Variants in CTNNA3 observed in about 807,000 individuals in gnomAD.
CTNNA3 encodes the protein catenin alpha 3.
Under a neutral mutation model 95.7 loss-of-function variants are expected in CTNNA3, and 76 were observed. The observed-to-expected ratio is 0.79, with a 90% CI of 0.66 to 0.96. The LOEUF (loss-of-function observed/expected upper bound fraction) is 0.96, where lower values mean the gene tolerates loss of function less well. Ranked by LOEUF, CTNNA3 falls within the 40% of genes least tolerant of loss-of-function variation. The pLI, the probability that CTNNA3 is intolerant of heterozygous loss-of-function variation, is 0.00. For missense variants in CTNNA3, 1,191 were observed against 1,089.8 expected, an observed-to-expected ratio of 1.09 and a Z score of -1.31; for synonymous variants, 431 against 374.4, an observed-to-expected ratio of 1.15 and a Z score of -1.74.
At chr10:66,769,542 G>GGGGAACAGTT in intron 8 of CTNNA3, among the ~76,000 whole-genome samples, 1 of 152,152 alleles carries the variant, frequency 6.6e-6, no homozygotes, top group African/African-American at 2.4e-5. Context: ...CTTTTGCTGG[G>GGGGAACAGTT]GGGAACAGTT....
intron 13 of CTNNA3, among the ~76,000 whole-genome samples, chr10:66,234,089 A>G (rs2132019026): frequency 6.6e-6 from 1 of 152,212 alleles, no homozygotes; most frequent in East Asian, 1.9e-4. Flanking sequence ...CCTTTTTAAA[A>G]GGTTAATGAC....
At chr10:67,653,347 C>T (rs756586407) in intron 1 of CTNNA3, among the ~76,000 whole-genome samples, 9 of 152,216 alleles carry the variant, frequency 5.9e-5, no homozygotes, top group Non-Finnish European at 1.2e-4. Flanking sequence ...CTGGGAATCA[C>T]AATTCTACAT....
intron 7 of CTNNA3, among the ~76,000 whole-genome samples, chr10:67,017,294 C>A (rs1439820995): frequency 6.6e-6 from 1 of 152,112 alleles, no homozygotes. Context: ...TAGGTTAGTT[C>A]CCAAGAACAC....
At chr10:66,294,099 T>A (rs1002611561) in intron 12 of CTNNA3, among the ~76,000 whole-genome samples, 4 of 152,222 alleles carry the variant, frequency 2.6e-5, no homozygotes, top group African/African-American at 9.6e-5. Context: ...ACGAGAATCT[T>A]TGGAATAGTT....
At chr10:67,597,748 G>A (rs1262717080) in intron 3 of CTNNA3, among the ~76,000 whole-genome samples, 1 of 152,218 alleles carries the variant, frequency 6.6e-6, no homozygotes, top group African/African-American at 2.4e-5. Context: ...CAACAGGGCA[G>A]TGGTAGGGCG....
chr10:67,699,670 G>T (rs1049069970), upstream of CTNNA3, among the ~76,000 whole-genome samples: 2 of 152,184 alleles, frequency 1.3e-5, no homozygotes, highest in African/African-American at 2.4e-5. Flanking sequence ...GAACAGCTCC[G>T]GTCTACAGCT....
At chr10:67,740,715 T>C (rs1007897837) in intron 1 of CTNNA3, among the ~76,000 whole-genome samples, 44 of 151,398 alleles carry the variant, frequency 2.9e-4, no homozygotes, top group Non-Finnish European at 5.5e-4. Flanking sequence ...TTGGTGGGAC[T>C]GTAAACTAGT....
intron 10 of CTNNA3, among the ~76,000 whole-genome samples, chr10:66,548,844 TTGGATTTTTTTGCTAATATTTATTA>T (rs1277497421): frequency 6.6e-6 from 1 of 152,070 alleles, no homozygotes; most frequent in East Asian, 1.9e-4. Flanking sequence ...TTATATACTA[TTGGATTTTTTTGCTAATATTTATTA>T]AGGATTTTTT....
At chr10:67,722,334 G>A (rs182092909) in intron 1 of CTNNA3, among the ~76,000 whole-genome samples, 8 of 152,240 alleles carry the variant, frequency 5.3e-5, no homozygotes, top group Admixed American at 4.6e-4. Context: ...TACTAGGCCA[G>A]CTCTAGTTTT....
chr10:67,356,787 G>A (rs564133698), intron 5 of CTNNA3, among the ~76,000 whole-genome samples: 1 of 152,050 alleles, frequency 6.6e-6, no homozygotes, highest in East Asian at 1.9e-4. Context: ...TCAGCTCCCT[G>A]GTGGCCCTCT....
intron 11 of CTNNA3, among the ~76,000 whole-genome samples, chr10:66,421,201 A>C (rs2093190192): frequency 1.3e-5 from 2 of 151,874 alleles, no homozygotes; most frequent in African/African-American, 2.4e-5. Flanking sequence ...GGAACTAAAA[A>C]GATTGATCTG....
chr10:66,847,755 T>C (rs1296649301), intron 7 of CTNNA3, among the ~76,000 whole-genome samples: 1 of 152,196 alleles, frequency 6.6e-6, no homozygotes, highest in Non-Finnish European at 1.5e-5. Context: ...CCTGCATGTA[T>C]AAATTTTATT....
intron 6 of CTNNA3, among the ~76,000 whole-genome samples, chr10:67,218,691 T>C (rs1358458043): frequency 6.6e-6 from 1 of 152,190 alleles, no homozygotes; most frequent in Non-Finnish European, 1.5e-5. Context: ...TGACTCTATT[T>C]ACAAAATTTA....
At chr10:66,415,007 T>C (rs2093135208) in intron 11 of CTNNA3, among the ~76,000 whole-genome samples, 1 of 152,070 alleles carries the variant, frequency 6.6e-6, no homozygotes, top group African/African-American at 2.4e-5. Context: ...GTGGCATGCA[T>C]GCTCCCCACC....
chr10:66,708,488 T>TCTAGCTAAGAC (rs1457315692), intron 9 of CTNNA3, among the ~76,000 whole-genome samples: 4 of 152,002 alleles, frequency 2.6e-5, no homozygotes, highest in Non-Finnish European at 5.9e-5. Context: ...TAAAGTCCCA[T>TCTAGCTAAGAC]CCTAGAAGTC....
chr10:66,837,165 T>C (rs1842912819), intron 7 of CTNNA3, among the ~76,000 whole-genome samples: 1 of 152,134 alleles, frequency 6.6e-6, no homozygotes, highest in South Asian at 2.1e-4. Flanking sequence ...AGAGTCTCCT[T>C]ACCTTGAATC....
At chr10:67,727,884 CATATT>C (rs1004071298) in intron 1 of CTNNA3, among the ~76,000 whole-genome samples, 2 of 105,184 alleles carry the variant, frequency 1.9e-5, no homozygotes, top group African/African-American at 4.7e-5. Context: ...GTATATATCA[CATATT>C]ATATTATGTA....
At chr10:67,597,244 T>G (rs2133360109) in intron 3 of CTNNA3, among the ~76,000 whole-genome samples, 1 of 152,338 alleles carries the variant, frequency 6.6e-6, no homozygotes, top group Middle Eastern at 3.4e-3. Context: ...CCATCCAAAT[T>G]CTGAATTCTA....
At chr10:67,194,196 C>G (rs1318444125) in intron 6 of CTNNA3, among the ~76,000 whole-genome samples, 1 of 151,792 alleles carries the variant, frequency 6.6e-6, no homozygotes, top group Non-Finnish European at 1.5e-5. Context: ...ACAATATAAC[C>G]CAGCAATTGC....
Sources: gnomAD v4.1 joint callset for allele counts (sites outside exome capture counted in the v4.1 genomes callset) on GRCh38, gnomAD v4.1.1 for gene constraint, MANE v1.5 for transcripts, NCBI Gene and HGNC (gene_info 2026-07-23, HGNC 2026-07-21) for gene names.